The following ANO1 variants were observed in gnomAD, a reference collection of about 807,000 sequenced individuals.
The protein encoded by ANO1 is anoctamin 1, also known as anoctamin-1.
Under a neutral mutation model 124.0 loss-of-function variants are expected in ANO1, and 59 were observed. That is an observed-to-expected ratio of 0.48 (90% CI 0.39 to 0.59). The LOEUF is 0.59. Among genes scored for constraint, ANO1 ranks in the 20% least tolerant of loss-of-function variants. ANO1 has a pLI of 0.00. For synonymous variants in ANO1, 529 were observed against 532.0 expected, an observed-to-expected ratio of 0.99 and a Z score of 0.08; for missense variants, 1,059 against 1,328.0, an observed-to-expected ratio of 0.80 and a Z score of 3.15.
intron 12 of ANO1, 35 bp downstream of exon 12, chr11:70,149,827 T>TC (rs769181087): frequency 4.4e-6 from 7 of 1,598,082 alleles, no homozygotes; most frequent in Non-Finnish European, 6.0e-6. Flanking sequence ...ATCACGCCCT[T>TC]CCCCCACGTT....
intron 10 of ANO1, 116 bp from the exon 11 acceptor site, chr11:70,131,803 G>C: frequency 7.8e-7 from 1 of 1,276,748 alleles, no homozygotes. Flanking sequence ...GGACCTGAGG[G>C]ACCCTCGCCA....
chr11:70,156,143 G>A (rs1462433999), intron 15 of ANO1, among the ~76,000 whole-genome samples, 155 bp downstream of exon 15: 1 of 151,726 alleles, frequency 6.6e-6, no homozygotes, highest in Admixed American at 6.6e-5. Flanking sequence ...AGCCCAGCAT[G>A]TTGCGATGGC....
intron 18 of ANO1, among the ~76,000 whole-genome samples, chr11:70,162,382 C>T (rs2135715558): frequency 6.6e-6 from 1 of 152,250 alleles, no homozygotes; most frequent in East Asian, 1.9e-4. Flanking sequence ...GGCAGAGAAC[C>T]CCAGAAGCCA....
intron 1 of ANO1, among the ~76,000 whole-genome samples, chr11:70,085,257 G>A (rs1412302993): frequency 1.3e-5 from 2 of 152,102 alleles, no homozygotes; most frequent in African/African-American, 4.8e-5. Flanking sequence ...CGTGAACCCC[G>A]TCCTTCATGG....
chr11:70,046,239 A>T (rs1260572557), intron 1 of ANO1, among the ~76,000 whole-genome samples: 2 of 152,136 alleles, frequency 1.3e-5, no homozygotes, highest in Non-Finnish European at 2.9e-5. Context: ...CTGTAAAATG[A>T]TTTGCAGGAC....
At chr11:70,031,104 C>G (rs1390870244) in intron 1 of ANO1, among the ~76,000 whole-genome samples, 1 of 152,146 alleles carries the variant, frequency 6.6e-6, no homozygotes, top group Admixed American at 6.6e-5. Flanking sequence ...GCCACCATAC[C>G]CAGCTAATTT....
chr11:70,079,623 T>C (rs1484439298), intron 1 of ANO1, among the ~76,000 whole-genome samples: 2 of 152,076 alleles, frequency 1.3e-5, no homozygotes, highest in Admixed American at 6.5e-5. Context: ...CAGCAGCAAT[T>C]TGTGGGACCT....
At chr11:70,046,433 A>G (rs1555005653) in intron 1 of ANO1, among the ~76,000 whole-genome samples, 2 of 152,170 alleles carry the variant, frequency 1.3e-5, no homozygotes, top group African/African-American at 4.8e-5. Context: ...GCTTAGCAAA[A>G]CCTACCAGGG....
intron 1 of ANO1, among the ~76,000 whole-genome samples, chr11:70,084,129 G>A (rs747325540): frequency 3.2e-4 from 48 of 152,130 alleles, no homozygotes; most frequent in Admixed American, 3.9e-4. Flanking sequence ...AGGAATAGCC[G>A]AAGCCCTCAG....
chr11:70,008,080 C>A (rs963941998), intron 1 of ANO1, among the ~76,000 whole-genome samples: 1 of 151,512 alleles, frequency 6.6e-6, no homozygotes, highest in African/African-American at 2.4e-5. Context: ...TCTATTAATT[C>A]TCTTGCTCAT....
rs987937824 is a variant in ANO1 at position 70,041,091 on chromosome 11, C to T, written c.59-37451C>T. Among the ~76,000 whole-genome samples, 16 of 152,288 alleles carry T rather than the reference C, an allele frequency of 1.1e-4. No homozygotes were observed. In the East Asian group the frequency reaches 3.1e-3, roughly 29 times the overall value. ...CCTGAGACTCCATGAGGCTGTGATGCTTTGGGGCACACCCACCCCACCCCA... is the reference window on the plus strand; with the variant it reads ...CCTGAGACTCCATGAGGCTGTGATGTTTTGGGGCACACCCACCCCACCCCA... On this transcript the variant is annotated intron_variant, in intron 1 of 27. Transcript: ENST00000531349.
chr11:70,160,204 C>G (rs566304597), intron 16 of ANO1, among the ~76,000 whole-genome samples: 14 of 152,258 alleles, frequency 9.2e-5, no homozygotes, highest in African/African-American at 3.4e-4. Flanking sequence ...TCCTGGAACA[C>G]GGGGACACAG....
In ANO1 at chr11:70,049,242, C is replaced by T. The variant is rs1054045634; in HGVS notation, c.59-29300C>T. Among the ~76,000 whole-genome samples the T allele has an allele frequency of 4.6e-5, 7 of 152,278 alleles. No individual in the cohort carries two copies. The East Asian group carries it at 5.8e-4, about 13-fold the overall frequency. On this transcript the variant is annotated intron_variant, in intron 1 of 27. Coordinates refer to the ANO1 transcript ENST00000531349. ...TTCTCAATGCTCCCAAGTCACCCAC[C>T]GGAAACAGCAGAAGCCCCTGTAGTC...
At chr11:70,060,859 G>A (rs117704193) in intron 1 of ANO1, among the ~76,000 whole-genome samples, 6,868 of 152,224 alleles carry the variant, frequency 0.045, 296 homozygotes, top group Admixed American at 0.12. Flanking sequence ...AGGATGGGAC[G>A]AGTCAGGGAG....
chr11:69,992,669 T>C (rs1856180194), intron 1 of ANO1, among the ~76,000 whole-genome samples: 1 of 152,162 alleles, frequency 6.6e-6, no homozygotes, highest in African/African-American at 2.4e-5. Context: ...CCTAGCTCTC[T>C]GGAGAGAAGA....
chr11:70,108,167 G>T, intron 5 of ANO1, 186 bp from the exon 6 acceptor site: 1 of 530,234 alleles, frequency 1.9e-6, no homozygotes. Context: ...GCCTTTGACA[G>T]TGTTGAGAAT....
chr11:70,103,033 C>T (rs761007297), intron 2 of ANO1, 33 bp from the exon 3 acceptor site: 2 of 1,508,322 alleles, frequency 1.3e-6, no homozygotes, highest in South Asian at 2.4e-5. Context: ...TGCACCGCCC[C>T]CCCTCAACCC....
chr11:70,103,832 A>G (rs1451031280), intron 3 of ANO1, among the ~76,000 whole-genome samples, 167 bp from the exon 4 acceptor site: 1 of 152,148 alleles, frequency 6.6e-6, no homozygotes, highest in Admixed American at 6.5e-5. Flanking sequence ...CTGGGCTTTC[A>G]TGGCGTGGGC....
At chr11:69,996,963 G>A (rs1434357822) in intron 1 of ANO1, among the ~76,000 whole-genome samples, 1 of 152,186 alleles carries the variant, frequency 6.6e-6, no homozygotes, top group East Asian at 1.9e-4. Context: ...AGGGTGTGGG[G>A]TGATGTCTGC....
Sources: allele counts gnomAD v4.1 joint callset (sites outside exome capture counted in the v4.1 genomes callset), GRCh38; gene constraint gnomAD v4.1.1; transcripts MANE v1.5; gene names NCBI Gene and HGNC (gene_info 2026-07-23, HGNC 2026-07-21).